Variants in NAALADL2 observed in about 807,000 individuals in gnomAD.
The protein encoded by NAALADL2 is N-acetylated alpha-linked acidic dipeptidase like 2.
A neutral mutation model predicts 87.2 loss-of-function variants in NAALADL2; 76 were observed. The ratio of observed to expected loss-of-function variants is 0.87; its 90% CI spans 0.72 to 1.05. NAALADL2 has a LOEUF of 1.05. Among genes scored for constraint, NAALADL2 ranks in the 50% least tolerant of loss-of-function variants. The pLI, the probability that NAALADL2 is intolerant of heterozygous loss-of-function variation, is 0.00. For missense variants in NAALADL2, 1,089 were observed against 945.8 expected, an observed-to-expected ratio of 1.15 and a Z score of -1.99; for synonymous variants, 354 against 331.0, an observed-to-expected ratio of 1.07 and a Z score of -0.75.
At chr3:175,180,039 C>T (rs1279615164) in intron 2 of NAALADL2, among the ~76,000 whole-genome samples, 1 of 151,756 alleles carries the variant, frequency 6.6e-6, no homozygotes, top group Admixed American at 6.6e-5. Flanking sequence ...ATTTAGCAGG[C>T]CATAAGGTGT....
rs10663163 is a variant in NAALADL2, at chr3:175,628,609, C to CTATGTGTATATATATA, written c.1896+1224_1896+1225insATGTGTATATATATAT. On this transcript the variant is annotated intron_variant, in intron 11 of 13. Transcript: ENST00000454872. ...TTTTAGTACCATTAAAATAATCTCT[C>CTATGTGTATATATATA]TCTCTATGTATATATATATATATAT... is the stretch of plus-strand genomic sequence containing the variant. Among the ~76,000 whole-genome samples, 375 of 132,180 alleles carry CTATGTGTATATATATA rather than the reference C, an allele frequency of 2.8e-3. 5 individuals are homozygous for CTATGTGTATATATATA. The highest frequency in any genetic ancestry group is 0.01 in the African/African-American group (348 of 34,316). 86.7% of individuals were successfully genotyped at this position (132,180 alleles called of 152,430 possible).
At chr3:175,062,298 A>G (rs988049256) in intron 1 of NAALADL2, among the ~76,000 whole-genome samples, 3 of 152,198 alleles carry the variant, frequency 2.0e-5, no homozygotes, top group Non-Finnish European at 4.4e-5. Flanking sequence ...TCAAGGTCAC[A>G]GGCCTTGATA....
At chr3:175,119,775 A>G (rs1449547897) in intron 2 of NAALADL2, among the ~76,000 whole-genome samples, 2 of 139,050 alleles carry the variant, frequency 1.4e-5, no homozygotes, top group African/African-American at 2.7e-5. Flanking sequence ...ATATATAGAT[A>G]TATATATAAA....
At chr3:175,444,915 T>C (rs1191190042) in intron 5 of NAALADL2, among the ~76,000 whole-genome samples, 1 of 152,182 alleles carries the variant, frequency 6.6e-6, no homozygotes, top group East Asian at 1.9e-4. Context: ...TTTAGCCTTG[T>C]GGTCTCCCAG....
chr3:175,786,065 G>C (rs1171886329), intron 13 of NAALADL2, among the ~76,000 whole-genome samples: 4 of 151,962 alleles, frequency 2.6e-5, no homozygotes, highest in Non-Finnish European at 4.4e-5. Flanking sequence ...TCTGCCGAGA[G>C]ATCCGCTGTT....
chr3:175,232,025 G>A (rs1745009853), intron 2 of NAALADL2, among the ~76,000 whole-genome samples: 1 of 151,982 alleles, frequency 6.6e-6, no homozygotes, highest in Admixed American at 6.6e-5. Context: ...TAATGAAAAA[G>A]AATATAATTC....
intron 2 of NAALADL2, among the ~76,000 whole-genome samples, chr3:174,642,507 T>TAAA (rs10576356): frequency 8.2e-6 from 1 of 122,536 alleles, no homozygotes; most frequent in Non-Finnish European, 1.8e-5. Context: ...TCTCTGGGGA[T>TAAA]AAAAAAAAAA....
chr3:175,146,786 G>T (rs1312345124), intron 2 of NAALADL2, among the ~76,000 whole-genome samples: 1 of 151,608 alleles, frequency 6.6e-6, no homozygotes, highest in Admixed American at 6.6e-5. Context: ...TGAAATTGTT[G>T]GCTTAACTTT....
At position 175,108,303 on chromosome 3, in the gene NAALADL2, A is replaced by G. The variant is rs192267824; in HGVS notation, c.545+11012A>G. Reference sequence around the variant, plus strand: ...ATGCAGCTTTCAGTATTAGAAATAAAGAAAGAAAACTATGATTTGAGATCA... The same window carrying G: ...ATGCAGCTTTCAGTATTAGAAATAAGGAAAGAAAACTATGATTTGAGATCA... On this transcript the variant is annotated intron_variant, in intron 2 of 13. Coordinates refer to ENST00000454872, the MANE Select transcript of NAALADL2 (RefSeq NM_207015.3). Among the ~76,000 whole-genome samples, 56 of 152,094 alleles carry G rather than the reference A, an allele frequency of 3.7e-4. 2 individuals are homozygous for G. In the South Asian group the frequency reaches 3.9e-3, roughly 11 times the overall value.
intron 5 of NAALADL2, among the ~76,000 whole-genome samples, chr3:175,413,243 T>C (rs1713938500): frequency 6.7e-6 from 1 of 148,678 alleles, no homozygotes; most frequent in South Asian, 2.2e-4. Context: ...GAGAACATCC[T>C]GGCTAACATG....
At chr3:175,048,732 CTT>C (rs1462013350) in intron 1 of NAALADL2, among the ~76,000 whole-genome samples, 1 of 152,052 alleles carries the variant, frequency 6.6e-6, no homozygotes, top group African/African-American at 2.4e-5. Context: ...TGTGGATACT[CTT>C]AGGTTTCAGA....
intron 1 of NAALADL2, among the ~76,000 whole-genome samples, chr3:174,890,378 T>C (rs1730721028): frequency 6.6e-6 from 1 of 152,152 alleles, no homozygotes; most frequent in Non-Finnish European, 1.5e-5. Flanking sequence ...GTTCTTATCC[T>C]GGATGAGTTC....
chr3:175,337,408 G>T (rs1464741519), intron 5 of NAALADL2, among the ~76,000 whole-genome samples: 1 of 152,060 alleles, frequency 6.6e-6, no homozygotes, highest in African/African-American at 2.4e-5. Flanking sequence ...GATTGTATTT[G>T]GAGATAGTCT....
chr3:175,078,979 CA>C (rs1287629526), intron 1 of NAALADL2, among the ~76,000 whole-genome samples: 2 of 152,156 alleles, frequency 1.3e-5, no homozygotes, highest in Non-Finnish European at 2.9e-5. Flanking sequence ...TATAGTAACA[CA>C]ATGTTTAACT....
chr3:174,640,268 G>C (rs543148919), intron 2 of NAALADL2, among the ~76,000 whole-genome samples: 1 of 152,302 alleles, frequency 6.6e-6, no homozygotes, highest in East Asian at 1.9e-4. Context: ...GGAAGCCAGT[G>C]AGAAAACAGG....
At chr3:175,039,952 C>G (rs923583380) in intron 1 of NAALADL2, among the ~76,000 whole-genome samples, 1 of 152,026 alleles carries the variant, frequency 6.6e-6, no homozygotes, top group Non-Finnish European at 1.5e-5. Context: ...ACTGATTATA[C>G]TCAGTTTTTA....
At chr3:175,624,249 T>C (rs965696759) in intron 10 of NAALADL2, among the ~76,000 whole-genome samples, 3 of 152,058 alleles carry the variant, frequency 2.0e-5, no homozygotes, top group Admixed American at 1.3e-4. Context: ...CAGTCATTTT[T>C]TTAAGTCAAC....
chr3:174,845,682 C>T (rs551039296), intron 3 of NAALADL2, among the ~76,000 whole-genome samples: 1 of 152,244 alleles, frequency 6.6e-6, no homozygotes, highest in South Asian at 2.1e-4. Flanking sequence ...GTTGTTGAGC[C>T]AGGGGTGGGA....
At chr3:174,706,882 G>T (rs191350906) in intron 2 of NAALADL2, among the ~76,000 whole-genome samples, 49 of 152,208 alleles carry the variant, frequency 3.2e-4, no homozygotes, top group Middle Eastern at 3.4e-3. Context: ...AGCACCATTT[G>T]TTAAATAGGG....
Sources: gnomAD v4.1 joint callset for allele counts (sites outside exome capture counted in the v4.1 genomes callset) on GRCh38, gnomAD v4.1.1 for gene constraint, MANE v1.5 for transcripts, NCBI Gene and HGNC (gene_info 2026-07-23, HGNC 2026-07-21) for gene names.